Variants in TPD52L2 observed in about 807,000 individuals in gnomAD.
TPD52L2 encodes TPD52 like 2.
In TPD52L2, 19 loss-of-function variants were observed where a neutral mutation model predicts 24.7. The ratio of observed to expected loss-of-function variants is 0.77; its 90% confidence interval spans 0.54 to 1.13. TPD52L2 has a LOEUF of 1.13. Ranked by LOEUF, TPD52L2 falls within the 50% of genes most tolerant of loss-of-function variation. The pLI is 0.00. For missense variants in TPD52L2, 236 were observed against 250.4 expected (o/e 0.94, Z 0.39); for synonymous variants, 104 against 100.2 (o/e 1.04, Z -0.23).
chr20:63,888,113 G>C (rs2053199250), intron 5 of TPD52L2: 1 of 162,850 alleles, frequency 6.1e-6, no homozygotes, highest in South Asian at 1.5e-4. Context: ...TTCTGTGCCT[G>C]CGCCGTCAGG....
At chr20:63,871,330 G>A (rs546915287) in intron 2 of TPD52L2, among the ~76,000 whole-genome samples, 7 of 149,000 alleles carry the variant, frequency 4.7e-5, no homozygotes, top group African/African-American at 1.5e-4. Flanking sequence ...AATGCGAGCC[G>A]CTGTACCCAG....
At chr20:63,867,484 T>G (rs950295786) in intron 1 of TPD52L2, among the ~76,000 whole-genome samples, 3 of 151,934 alleles carry the variant, frequency 2.0e-5, no homozygotes, top group Non-Finnish European at 4.4e-5. Flanking sequence ...GAGAATCGAT[T>G]GAACCCAGGA....
At chr20:63,871,495 G>A (rs1568940683) in intron 2 of TPD52L2, among the ~76,000 whole-genome samples, 1 of 151,078 alleles carries the variant, frequency 6.6e-6, no homozygotes, top group Non-Finnish European at 1.5e-5. Context: ...GATTACAGGC[G>A]CACAGCACCA....
At position 63,882,700 on chromosome 20, in the gene TPD52L2, T is replaced by G; in HGVS notation, c.375-19T>G. ...ACCCGCCCATGCTGTCTGGTTGATT[T>G]AACTGGTGTGTCTTCCAGCTACAAG... is the stretch of plus-strand genomic sequence containing the variant. On this transcript the variant is annotated intron_variant, in intron 4 of 6. Coordinates refer to ENST00000346249, the MANE Select transcript of TPD52L2 (RefSeq NM_003288.4). 1 of 1,607,054 alleles carries G rather than the reference T, an allele frequency of 6.2e-7. No homozygotes were observed. The highest frequency in any genetic ancestry group is 8.5e-7 in the Non-Finnish European group (1 of 1,173,606).
At position 63,869,212 on chromosome 20, in the gene TPD52L2, G is replaced by T; in HGVS notation, c.20-84G>T. The T allele has an allele frequency of 2.0e-6, 3 of 1,530,554 alleles. No homozygotes were observed. In the South Asian group the frequency reaches 3.4e-5, roughly 17 times the overall value. The allele number at this position is 1,530,554 out of a possible 1,614,324, so 94.8% of individuals were successfully genotyped here. The stretch of plus-strand genomic sequence containing the variant: ...CAGGGTCTCACCCACTCCCACCTGT[G>T]CTTTTGTCCTGCTAGAGACCTCTAC... On this transcript the variant is annotated intron_variant, in intron 1 of 6. Coordinates refer to ENST00000346249, the MANE Select transcript of TPD52L2 (RefSeq NM_003288.4).
At chr20:63,870,337 C>T (rs1000030152) in intron 2 of TPD52L2, among the ~76,000 whole-genome samples, 7 of 152,018 alleles carry the variant, frequency 4.6e-5, no homozygotes, top group Admixed American at 3.9e-4. Context: ...TTGGTTGTGC[C>T]GCTGAGTCTG....
At chr20:63,882,489 C>T (rs1282111373) in intron 4 of TPD52L2, among the ~76,000 whole-genome samples, 1 of 152,332 alleles carries the variant, frequency 6.6e-6, no homozygotes, top group East Asian at 1.9e-4. Context: ...GCAGGGTCGC[C>T]GAGAGCTCAG....
chr20:63,872,862 C>T (rs1190674933), intron 2 of TPD52L2, among the ~76,000 whole-genome samples: 2 of 152,072 alleles, frequency 1.3e-5, no homozygotes, highest in African/African-American at 4.8e-5. Flanking sequence ...CGCCACCGTG[C>T]CTGGCTAATT....
At chr20:63,865,952 G>T (rs371316573) in intron 1 of TPD52L2, among the ~76,000 whole-genome samples, 1 of 152,178 alleles carries the variant, frequency 6.6e-6, no homozygotes, top group Non-Finnish European at 1.5e-5. Flanking sequence ...AGCATACCAG[G>T]CCTGTTTCCA....
In TPD52L2 at chr20:63,869,279, C is replaced by A; in HGVS notation, c.20-17C>A. On this transcript the variant is annotated splice_polypyrimidine_tract_variant and intron_variant, in intron 1 of 6. Transcript: ENST00000346249. ...TAACTTATTTGACACTTTGTGGCCT[C>A]ATTTTGTCTCTGGCAGATATCAACC... 6.2e-7 allele frequency: 1 copy of A among 1,613,886 alleles called. No homozygotes were observed. Among genetic ancestry groups the A allele is most frequent in the Non-Finnish European group, 8.5e-7 (1 of 1,179,748 alleles).
chr20:63,871,791 G>A (rs1279977069), intron 2 of TPD52L2, among the ~76,000 whole-genome samples: 1 of 151,750 alleles, frequency 6.6e-6, no homozygotes. Context: ...ATGCCACCAC[G>A]CCTGGCTAAT....
At chr20:63,873,838 A>T (rs758985271) in intron 3 of TPD52L2, 22 bp downstream of exon 3, 12 of 1,483,572 alleles carry the variant, frequency 8.1e-6, no homozygotes, top group Middle Eastern at 1.9e-4. Context: ...CCCCAGGCGC[A>T]CCCCTGGGGG....
At chr20:63,876,675 G>C in intron 4 of TPD52L2, 1 of 437,754 alleles carries the variant, frequency 2.3e-6, no homozygotes, top group East Asian at 7.1e-5. Context: ...TGGTCTGAAA[G>C]GAAGCAGTTG....
intron 3 of TPD52L2, 78 bp downstream of exon 3, chr20:63,873,894 T>G (rs2052561813): frequency 1.4e-6 from 2 of 1,395,312 alleles, no homozygotes; most frequent in Admixed American, 7.0e-5. Context: ...TGGGGGGGCG[T>G]CGTCATGCCC....
intron 2 of TPD52L2, among the ~76,000 whole-genome samples, chr20:63,870,180 G>A (rs1279991155): frequency 6.6e-6 from 1 of 152,230 alleles, no homozygotes; most frequent in Non-Finnish European, 1.5e-5. Context: ...TCTTCTTTAA[G>A]TGAGAGTCCC....
chr20:63,869,797 C>A (rs1162966789), intron 2 of TPD52L2, among the ~76,000 whole-genome samples: 1 of 152,240 alleles, frequency 6.6e-6, no homozygotes, highest in African/African-American at 2.4e-5. Context: ...CCCCATGAAT[C>A]TTTCTTGTCC....
rs1008541326 is a variant in TPD52L2 at position 63,877,555 on chromosome 20, C to T, written c.374+1680C>T. 7.2e-5 allele frequency among the ~76,000 whole-genome samples: 11 copies of T among 152,184 alleles called. No individual in the cohort carries two copies. Among genetic ancestry groups the T allele is most frequent in the Non-Finnish European group, 1.3e-4 (9 of 68,032 alleles). On this transcript the variant is annotated intron_variant, in intron 4 of 6. Transcript: ENST00000346249. This position sits in a 1 kb window ranked among gnomAD's most constrained non-coding sequence, Gnocchi z 4.1. ...GATGGTTCCTAGGTTGGGACAGTGA[C>T]GGTCATCCTTGCAGTTTGGGCATCA...
intron 5 of TPD52L2, among the ~76,000 whole-genome samples, chr20:63,886,723 C>G (rs1451565488): frequency 6.6e-6 from 1 of 151,788 alleles, no homozygotes; most frequent in Non-Finnish European, 1.5e-5. Flanking sequence ...CGGCTCACTG[C>G]AACCTCCAGC....
intron 5 of TPD52L2, 25 bp downstream of exon 5, chr20:63,882,845 G>A (rs751604528): frequency 1.9e-6 from 3 of 1,579,486 alleles, no homozygotes; most frequent in Non-Finnish European, 2.6e-6. Flanking sequence ...TGACTCTGCT[G>A]CCCTGAGACC....
Sources: allele counts gnomAD v4.1 joint callset (sites outside exome capture counted in the v4.1 genomes callset), GRCh38; gene constraint gnomAD v4.1.1; non-coding constraint Gnocchi (gnomAD v3.1); transcripts MANE v1.5; gene names NCBI Gene and HGNC (gene_info 2026-07-23, HGNC 2026-07-21).